Variants in RPTOR observed in about 807,000 individuals in gnomAD.
RPTOR encodes the protein regulatory associated protein of MTOR complex 1.
In RPTOR, 21 loss-of-function variants were observed where a neutral mutation model predicts 169.9. That is an observed-to-expected ratio of 0.12 (90% CI 0.09 to 0.18). The LOEUF is 0.18. Ranked by LOEUF, RPTOR falls within the 10% of genes least tolerant of loss-of-function variation. The probability of loss-of-function intolerance (pLI) is 1.00; values close to 1 mark genes in which losing one functional copy is unlikely to be tolerated. For missense variants in RPTOR, 1,133 were observed against 1,855.9 expected (o/e 0.61, Z 7.16); for synonymous variants, 732 against 753.2 (o/e 0.97, Z 0.46).
intron 17 of RPTOR, among the ~76,000 whole-genome samples, chr17:80,887,158 G>A (rs2068256899): frequency 6.6e-6 from 1 of 152,056 alleles, no homozygotes. Flanking sequence ...TCACTCACCT[G>A]TGACCAAGCG....
intron 3 of RPTOR, among the ~76,000 whole-genome samples, chr17:80,702,668 A>G (rs1394076980): frequency 6.6e-6 from 1 of 152,186 alleles, no homozygotes; most frequent in African/African-American, 2.4e-5. Flanking sequence ...TCTCTACGCA[A>G]TAGGTAAGAA....
Position 80,708,865 on chromosome 17 carries a change from T to C in RPTOR, c.507+866T>C. The C allele has an allele frequency of 1.1e-6, 1 of 896,144 alleles. No individual in the cohort carries two copies. The highest frequency in any genetic ancestry group is 1.3e-6 in the Non-Finnish European group (1 of 748,302). 55.5% of individuals were successfully genotyped at this position (896,144 alleles called of 1,614,324 possible). A position where few individuals can be genotyped will look rare whatever the true frequency, so the allele number is the denominator to read the frequency against. On this transcript the variant is annotated intron_variant, in intron 4 of 33. Transcript: ENST00000306801. The surrounding 1 kb of genome is among the most constrained non-coding windows in gnomAD (Gnocchi z 4.2). ...TGATTTGGAATCCAGCAAATCCGAG[T>C]CCCAGTTTCGGTTGTGCTGTCAGCC...
chr17:80,563,221 T>G (rs1400648032), intron 1 of RPTOR, among the ~76,000 whole-genome samples: 1 of 76,842 alleles, frequency 1.3e-5, no homozygotes, highest in Non-Finnish European at 2.8e-5. Context: ...AGAGTTTTTT[T>G]TTTTAATTTT....
intron 3 of RPTOR, among the ~76,000 whole-genome samples, chr17:80,699,155 T>C (rs1168345508): frequency 6.6e-6 from 1 of 152,252 alleles, no homozygotes; most frequent in Non-Finnish European, 1.5e-5. Flanking sequence ...CCCCAAGCTC[T>C]TGATAAAACA....
chr17:80,758,334 G>A lies in RPTOR; in HGVS notation c.830+4149G>A, dbSNP rs191677565. The stretch of plus-strand genomic sequence containing the variant: ...AGGTGGAACCTGAGAGGAAGGTTTC[G>A]TCAGGAGTGCGGTTGAGCTCAGAGA... On this transcript the variant is annotated intron_variant, in intron 6 of 33. Transcript: ENST00000306801. 2.6e-3 allele frequency among the ~76,000 whole-genome samples: 389 copies of A among 152,288 alleles called. 3 individuals are homozygous for A. The highest frequency in any genetic ancestry group is 7.9e-3 in the African/African-American group (330 of 41,560).
intron 11 of RPTOR, among the ~76,000 whole-genome samples, chr17:80,850,821 C>G (rs2067786003): frequency 6.6e-6 from 1 of 152,242 alleles, no homozygotes. Flanking sequence ...CCGAGGCACC[C>G]TGGCCTGCAG....
At position 80,886,684 on chromosome 17, in the gene RPTOR, G is replaced by A. The variant is rs940733094; in HGVS notation, c.1983+1536G>A. On this transcript the variant is annotated intron_variant, in intron 17 of 33. Coordinates refer to ENST00000306801, the MANE Select transcript of RPTOR (RefSeq NM_020761.3). Reference sequence around the variant, plus strand: ...GCCCTGGCTGCTGAGGCACTGAGACGAAGCTCCCCCTCCACCGGGAGCGGT... The same window carrying A: ...GCCCTGGCTGCTGAGGCACTGAGACAAAGCTCCCCCTCCACCGGGAGCGGT... 9.2e-5 allele frequency among the ~76,000 whole-genome samples: 14 copies of A among 152,334 alleles called. No homozygotes were observed. In the South Asian group the frequency reaches 1.0e-3, roughly 11 times the overall value.
chr17:80,848,084 T>C (rs2067752532), intron 11 of RPTOR, among the ~76,000 whole-genome samples: 1 of 152,230 alleles, frequency 6.6e-6, no homozygotes, highest in African/African-American at 2.4e-5. Flanking sequence ...GAAGGAACAG[T>C]GCACATGGAC....
chr17:80,846,608 G>T (rs1159719241), intron 11 of RPTOR, 34 bp downstream of exon 11: 9 of 1,593,512 alleles, frequency 5.6e-6, no homozygotes, highest in South Asian at 2.2e-5. Flanking sequence ...GACAGCCGAG[G>T]TTCCTCAGGA....
chr17:80,848,583 C>T (rs994591835), intron 11 of RPTOR, among the ~76,000 whole-genome samples: 1 of 152,230 alleles, frequency 6.6e-6, no homozygotes. Flanking sequence ...TGTGTGGCCA[C>T]GGGTGACCGG....
chr17:80,664,074 A>C (rs1283770665), intron 3 of RPTOR, among the ~76,000 whole-genome samples: 1 of 152,096 alleles, frequency 6.6e-6, no homozygotes, highest in African/African-American at 2.4e-5. Flanking sequence ...GGCCTCCTCC[A>C]GGGCTGCGTC....
At chr17:80,859,370 G>A (rs1368253222) in intron 13 of RPTOR, among the ~76,000 whole-genome samples, 8 of 152,248 alleles carry the variant, frequency 5.3e-5, no homozygotes, top group African/African-American at 1.9e-4. Flanking sequence ...CAAAGGGTGT[G>A]TGCTGAGAAT....
chr17:80,870,624 G>A (rs370409870), intron 13 of RPTOR, among the ~76,000 whole-genome samples: 29 of 152,242 alleles, frequency 1.9e-4, no homozygotes, highest in Non-Finnish European at 3.4e-4. Flanking sequence ...CATCTAGAGC[G>A]TGTGACCCTG....
At chr17:80,613,095 C>T (rs1203218543) in intron 1 of RPTOR, among the ~76,000 whole-genome samples, 2 of 152,138 alleles carry the variant, frequency 1.3e-5, no homozygotes, top group South Asian at 4.1e-4. Flanking sequence ...TGATGTGTGG[C>T]CTTCAGTGAT....
Position 80,947,016 on chromosome 17 carries a change from T to G in RPTOR, c.3141-211T>G, listed in dbSNP as rs532227879. Among the ~76,000 whole-genome samples, 1 of 152,346 alleles carries G rather than the reference T, an allele frequency of 6.6e-6. No individual in the cohort carries two copies. The highest frequency in any genetic ancestry group is 6.5e-5 in the Admixed American group (1 of 15,306). ...TGTTTGTTTGGAGACAAGGTCTCAC[T>G]TTGTTGTCCAGGCTGGTCTTGAACT... On this transcript the variant is annotated intron_variant, in intron 26 of 33. Coordinates refer to ENST00000306801, the MANE Select transcript of RPTOR (RefSeq NM_020761.3). The surrounding 1 kb of genome is among the most constrained non-coding windows in gnomAD (Gnocchi z 4.4).
chr17:80,895,852 C>T (rs2068392646), intron 20 of RPTOR, among the ~76,000 whole-genome samples: 1 of 152,246 alleles, frequency 6.6e-6, no homozygotes, highest in Non-Finnish European at 1.5e-5. Context: ...AGTGAGGTTA[C>T]AGCCTTGCAG....
chr17:80,929,816 C>G (rs1403039768), intron 24 of RPTOR, among the ~76,000 whole-genome samples: 1 of 152,230 alleles, frequency 6.6e-6, no homozygotes, highest in African/African-American at 2.4e-5. Flanking sequence ...GCTTTTCTCA[C>G]TATGCAGTGA....
At position 80,744,631 on chromosome 17, in the gene RPTOR, C is replaced by CTAT. The variant is rs2066546054; in HGVS notation, c.655-9379_655-9378insTAT. 8.5e-4 allele frequency among the ~76,000 whole-genome samples: 2 copies of CTAT among 2,360 alleles called. 1 individual carries two copies. Among genetic ancestry groups the CTAT allele is most frequent in the Non-Finnish European group, 2.3e-3 (2 of 882 alleles). The allele number at this position is 2,360 out of a possible 152,430, so 1.5% of individuals were successfully genotyped here. A position where few individuals can be genotyped will look rare whatever the true frequency, so the allele number is the denominator to read the frequency against. Reference sequence around the variant, plus strand: ...AGCACAGCCCTGGTTACTAGCAGAGCCCTGGCTACTAGCACTCTCCTGGTT... The same window carrying CTAT: ...AGCACAGCCCTGGTTACTAGCAGAGCTATCCTGGCTACTAGCACTCTCCTGGTT... On this transcript the variant is annotated intron_variant, in intron 5 of 33. Coordinates refer to ENST00000306801, the MANE Select transcript of RPTOR (RefSeq NM_020761.3).
At chr17:80,583,619 C>G (rs1303295092) in intron 1 of RPTOR, among the ~76,000 whole-genome samples, 1 of 152,182 alleles carries the variant, frequency 6.6e-6, no homozygotes, top group African/African-American at 2.4e-5. Flanking sequence ...CGTCCCGCCT[C>G]TTGCCTTCAG....
Sources: allele counts gnomAD v4.1 joint callset (sites outside exome capture counted in the v4.1 genomes callset), GRCh38; gene constraint gnomAD v4.1.1; non-coding constraint Gnocchi (gnomAD v3.1); transcripts MANE v1.5; gene names NCBI Gene and HGNC (gene_info 2026-07-23, HGNC 2026-07-21).